Variants in ZMAT5 observed in about 807,000 individuals in gnomAD.
ZMAT5 encodes the protein zinc finger matrin-type protein 5.
ZMAT5 carries 23 observed loss-of-function variants against 28.0 expected under a neutral mutation model. The ratio of observed to expected loss-of-function variants is 0.82; its 90% CI spans 0.59 to 1.16. The LOEUF (loss-of-function observed/expected upper bound fraction) is 1.16, where lower values mean the gene tolerates loss of function less well. Ranked by LOEUF, ZMAT5 falls within the 50% of genes most tolerant of loss-of-function variation. ZMAT5 has a pLI of 0.00. For synonymous variants in ZMAT5, 76 were observed against 84.1 expected, an observed-to-expected ratio of 0.90 and a Z score of 0.52; for missense variants, 173 against 212.7, an observed-to-expected ratio of 0.81 and a Z score of 1.16.
chr22:29,765,068 G>C (rs2068193821), intron 1 of ZMAT5, among the ~76,000 whole-genome samples: 1 of 152,140 alleles, frequency 6.6e-6, no homozygotes, highest in Non-Finnish European at 1.5e-5. Flanking sequence ...AGCTCAAACT[G>C]ATGTGGCCAA....
chr22:29,745,167 C>G (rs544541133), intron 2 of ZMAT5, among the ~76,000 whole-genome samples: 2 of 152,314 alleles, frequency 1.3e-5, no homozygotes, highest in South Asian at 4.1e-4. Flanking sequence ...AAACATCTAG[C>G]GTGTAGCCAA....
At chr22:29,733,342 G>T (rs866735010) in intron 5 of ZMAT5, among the ~76,000 whole-genome samples, 2 of 152,310 alleles carry the variant, frequency 1.3e-5, no homozygotes, top group South Asian at 4.1e-4. Flanking sequence ...TGACCTCCGA[G>T]GGGGAGGTGG....
At chr22:29,735,995 G>A (rs1294253716) in intron 5 of ZMAT5, among the ~76,000 whole-genome samples, 1 of 152,242 alleles carries the variant, frequency 6.6e-6, no homozygotes, top group Non-Finnish European at 1.5e-5. Flanking sequence ...CCAAGAGACA[G>A]CCGGGCCTCT....
chr22:29,731,157 C>T lies in ZMAT5; in HGVS notation c.*68G>A, dbSNP rs563982480. On this transcript the variant is annotated 3_prime_UTR_variant, in exon 6 of 6. Coordinates refer to ENST00000344318, the MANE Select transcript of ZMAT5 (RefSeq NM_001003692.2). ...AGCCTCCATGGGGCGTAGCAGGAAC[C>T]GGGCTTGGCTTCCTATTGTGACTGA... The T allele has an allele frequency of 9.1e-6, 13 of 1,428,488 alleles. No homozygotes were observed. Among genetic ancestry groups the T allele is most frequent in the Admixed American group, 3.0e-5 (1 of 33,258 alleles). 88.5% of individuals were successfully genotyped at this position (1,428,488 alleles called of 1,614,324 possible).
rs2068219674 is a variant in ZMAT5, at chr22:29,766,905, G to GA, written c.-62dup. 1 of 154,868 alleles carries GA rather than the reference G, an allele frequency of 6.5e-6. No individual in the cohort carries two copies. The highest frequency in any genetic ancestry group is 1.4e-5 in the Non-Finnish European group (1 of 69,206). 9.6% of individuals were successfully genotyped at this position (154,868 alleles called of 1,614,324 possible). On this transcript the variant is annotated 5_prime_UTR_variant, in exon 1 of 6. Transcript: ENST00000344318. ...AAGTGTTCAAGTCTTCCAGTGCGGA[G>GA]AAAAGAGACTAGGACTCGCCCCTCG...
chr22:29,745,139 TATGG>T (rs1402162088), intron 2 of ZMAT5, among the ~76,000 whole-genome samples: 1 of 152,220 alleles, frequency 6.6e-6, no homozygotes, highest in Non-Finnish European at 1.5e-5. Flanking sequence ...CACTAATCCC[TATGG>T]ATGTAAGCGG....
chr22:29,749,351 G>A (rs1452475415), intron 1 of ZMAT5, among the ~76,000 whole-genome samples: 3 of 152,054 alleles, frequency 2.0e-5, no homozygotes, highest in East Asian at 1.9e-4. Context: ...GGGATTACAG[G>A]TACGAGCCAC....
chr22:29,752,780 T>C (rs1410591636), intron 1 of ZMAT5, among the ~76,000 whole-genome samples: 1 of 152,226 alleles, frequency 6.6e-6, no homozygotes, highest in African/African-American at 2.4e-5. Context: ...TGAGCTCAAG[T>C]GATCCTCCCA....
rs181453039 is a variant in ZMAT5 at position 29,763,875 on chromosome 22, C to T, written c.-28+2997G>A. ...GCTGAGGTGGGAGTACCACTTGAGC[C>T]CAGGAGTTCGAGGCTGCAGTGAACT... On this transcript the variant is annotated intron_variant, in intron 1 of 5. Transcript: ENST00000344318. Among the ~76,000 whole-genome samples, 447 of 152,102 alleles carry T rather than the reference C, an allele frequency of 2.9e-3. 2 individuals are homozygous for T. Among genetic ancestry groups the T allele is most frequent in the African/African-American group, 0.01 (427 of 41,482 alleles).
chr22:29,740,724 C>T lies in ZMAT5; in HGVS notation c.197G>A (p.Cys66Tyr). The change falls in exon 4 of 6, where the codon TGC (cysteine) becomes TAC (tyrosine). Residue 66 changes from cysteine (C) to tyrosine (Y), a missense_variant. Cys to Tyr is a radical substitution (Grantham distance 194, BLOSUM62 -2). Transcript: ENST00000344318. ...AAATCTGCAGTTGGAGCCAAAGTCGCACTGGCCTGCAGCAGGAAGACAGAG... is the reference window on the plus strand; with the variant it reads ...AAATCTGCAGTTGGAGCCAAAGTCGTACTGGCCTGCAGCAGGAAGACAGAG... ...PCRKFLLTGQ[C>Y]DFGSNCRFSH... The T allele has an allele frequency of 6.3e-7, 1 of 1,593,994 alleles. No homozygotes were observed. Among genetic ancestry groups the T allele is most frequent in the Non-Finnish European group, 8.5e-7 (1 of 1,170,482 alleles).
At chr22:29,748,931 C>T (rs1308861843) in intron 1 of ZMAT5, among the ~76,000 whole-genome samples, 4 of 152,098 alleles carry the variant, frequency 2.6e-5, no homozygotes, top group African/African-American at 9.7e-5. Context: ...CCTGTCTCAG[C>T]CTCTCAAAGT....
intron 5 of ZMAT5, among the ~76,000 whole-genome samples, chr22:29,735,075 G>T (rs1172242423): frequency 6.6e-6 from 1 of 152,164 alleles, no homozygotes; most frequent in Non-Finnish European, 1.5e-5. Flanking sequence ...AGGTAGCCTT[G>T]CGGGGGCTGG....
chr22:29,741,012 CCTCT>C (rs2067957551), intron 3 of ZMAT5, among the ~76,000 whole-genome samples: 1 of 152,178 alleles, frequency 6.6e-6, no homozygotes, highest in Admixed American at 6.5e-5. Context: ...GCCTCGCAAG[CCTCT>C]GCAGGCTGTC....
At chr22:29,733,894 G>A (rs912083085) in intron 5 of ZMAT5, among the ~76,000 whole-genome samples, 1 of 152,234 alleles carries the variant, frequency 6.6e-6, no homozygotes, top group African/African-American at 2.4e-5. Flanking sequence ...CAGGGCCCCA[G>A]ACACGTGAGC....
chr22:29,758,886 A>T (rs2068129012), intron 1 of ZMAT5: 1 of 152,306 alleles, frequency 6.6e-6, no homozygotes, highest in African/African-American at 2.4e-5. Flanking sequence ...CAAGAGGGAA[A>T]TTTGTAAGGC....
chr22:29,731,900 A>G (rs1444650298), intron 5 of ZMAT5: 3 of 152,180 alleles, frequency 2.0e-5, no homozygotes, highest in East Asian at 1.9e-4. Flanking sequence ...ATATTTCTCA[A>G]AAGTTTTACG....
Position 29,740,651 on chromosome 22 carries a change from C to T in ZMAT5, c.270G>A (p.Glu90=). 2 of 1,599,982 alleles carry T rather than the reference C, an allele frequency of 1.3e-6. No individual in the cohort carries two copies. Among genetic ancestry groups the T allele is most frequent in the Non-Finnish European group, 1.7e-6 (2 of 1,173,592 alleles). Residue 90 remains glutamate (E), a splice_region_variant and synonymous_variant, in exon 4 of 6, where the codon GAG becomes GAA. Transcript: ENST00000344318. ...AGCCCAGGGCATCCCGAGACGTACCCTCCACCTGGATGCTCAGCTCCTGCA... is the reference window on the plus strand; with the variant it reads ...AGCCCAGGGCATCCCGAGACGTACCTTCCACCTGGATGCTCAGCTCCTGCA... The part of the protein sequence containing the change: ...RDLQELSIQV[E]EERRAREWLL...
rs772054477 is a variant in ZMAT5 at position 29,748,557 on chromosome 22, C to T, written c.-13G>A. On this transcript the variant is annotated 5_prime_UTR_variant, in exon 2 of 6. Coordinates refer to ENST00000344318, the MANE Select transcript of ZMAT5 (RefSeq NM_001003692.2). Reference sequence around the variant, plus strand: ...ATCGCTTCCCCATGGCCACTCAGAGCAGGTGCTTTGCTGCCTGGGAAGCCA... The same window carrying T: ...ATCGCTTCCCCATGGCCACTCAGAGTAGGTGCTTTGCTGCCTGGGAAGCCA... 2 of 1,613,926 alleles carry T rather than the reference C, an allele frequency of 1.2e-6. No individual in the cohort carries two copies. Among genetic ancestry groups the T allele is most frequent in the Non-Finnish European group, 8.5e-7 (1 of 1,180,026 alleles).
Position 29,731,107 on chromosome 22 carries a change from A to C in ZMAT5, c.*118T>G. On this transcript the variant is annotated 3_prime_UTR_variant, in exon 6 of 6. Transcript: ENST00000344318. The stretch of plus-strand genomic sequence containing the variant: ...TTGGTGTGGCCGTGTCCTGAGCCTC[A>C]GTGAGGCTGGGCAGATGGTCTCGGA... 2 of 1,171,778 alleles carry C rather than the reference A, an allele frequency of 1.7e-6. No individual in the cohort carries two copies. The highest frequency in any genetic ancestry group is 2.3e-6 in the Non-Finnish European group (2 of 874,864). The allele number at this position is 1,171,778 out of a possible 1,614,324, so 72.6% of individuals were successfully genotyped here.
Sources: gnomAD v4.1 joint callset for allele counts (sites outside exome capture counted in the v4.1 genomes callset) on GRCh38, gnomAD v4.1.1 for gene constraint, MANE v1.5 for transcripts, NCBI Gene and HGNC (gene_info 2026-07-23, HGNC 2026-07-21) for gene names.